Variants in PSD3 observed in about 807,000 individuals in gnomAD.
PSD3 encodes the protein pleckstrin and Sec7 domain containing 3.
In PSD3, 49 loss-of-function variants were observed where a neutral mutation model predicts 105.5. The ratio of observed to expected loss-of-function variants is 0.46; its 90% CI spans 0.37 to 0.59. PSD3 has a LOEUF of 0.59. PSD3 is among the 20% of genes least tolerant of loss of function. PSD3 has a pLI of 0.00. For missense variants in PSD3, 1,561 were observed against 1,263.8 expected, an observed-to-expected ratio of 1.24 and a Z score of -3.57; for synonymous variants, 557 against 457.8, an observed-to-expected ratio of 1.22 and a Z score of -2.77.
At chr8:19,073,322 G>C (rs368790337) in intron 1 of PSD3, among the ~76,000 whole-genome samples, 1 of 152,014 alleles carries the variant, frequency 6.6e-6, no homozygotes, top group Non-Finnish European at 1.5e-5. Flanking sequence ...AGGCCAAGGC[G>C]GGCGGATCAC....
At chr8:18,917,281 T>C (rs1820686382) in intron 2 of PSD3, among the ~76,000 whole-genome samples, 1 of 152,212 alleles carries the variant, frequency 6.6e-6, no homozygotes, top group African/African-American at 2.4e-5. Context: ...TTTACCCCAC[T>C]ATCCATTTCT....
chr8:18,686,843 G>C (rs2130974727), intron 9 of PSD3, among the ~76,000 whole-genome samples: 1 of 152,218 alleles, frequency 6.6e-6, no homozygotes, highest in East Asian at 1.9e-4. Flanking sequence ...ATCCTGTCTG[G>C]AACTCTGTTG....
intron 8 of PSD3, among the ~76,000 whole-genome samples, chr8:18,768,023 C>A (rs1451620049): frequency 3.4e-5 from 5 of 146,842 alleles, no homozygotes; most frequent in African/African-American, 1.0e-4. Context: ...ATAATCCCAG[C>A]ACTTTGGGAG....
Position 18,527,948 on chromosome 8 carries a change from T to C in PSD3, c.*7795A>G, listed in dbSNP as rs1035309106. On this transcript the variant is annotated 3_prime_UTR_variant, in exon 16 of 16. Coordinates refer to ENST00000327040, the MANE Select transcript of PSD3 (RefSeq NM_015310.4). Reference sequence around the variant, plus strand: ...CAGGACTGCAATAGAACTGAAATGATTGGTGGAGAAAACTTTGAAGGTAAA... The same window carrying C: ...CAGGACTGCAATAGAACTGAAATGACTGGTGGAGAAAACTTTGAAGGTAAA... 18 of 152,214 alleles carry C rather than the reference T, an allele frequency of 1.2e-4. No individual in the cohort carries two copies. Among genetic ancestry groups the C allele is most frequent in the African/African-American group, 4.1e-4 (17 of 41,458 alleles). 9.4% of individuals were successfully genotyped at this position (152,214 alleles called of 1,614,324 possible). A position where few individuals can be genotyped will look rare whatever the true frequency, so the allele number is the denominator to read the frequency against.
intron 2 of PSD3, among the ~76,000 whole-genome samples, chr8:18,873,867 G>A (rs926590255): frequency 3.3e-5 from 5 of 152,138 alleles, no homozygotes; most frequent in Non-Finnish European, 5.9e-5. Context: ...CCCAATACAC[G>A]AAGTAAACAG....
chr8:18,929,588 C>A (rs923333705), intron 2 of PSD3, among the ~76,000 whole-genome samples: 10 of 152,130 alleles, frequency 6.6e-5, no homozygotes, highest in Non-Finnish European at 1.5e-4. Flanking sequence ...TTCCAGCCCT[C>A]TTCTATATGA....
intron 9 of PSD3, among the ~76,000 whole-genome samples, chr8:18,657,439 C>G (rs1808984707): frequency 6.6e-6 from 1 of 152,138 alleles, no homozygotes; most frequent in Admixed American, 6.5e-5. Flanking sequence ...ATTACAGTAG[C>G]TAATAAAAAC....
intron 2 of PSD3, among the ~76,000 whole-genome samples, chr8:18,903,262 T>C (rs1298877153): frequency 6.6e-6 from 1 of 152,128 alleles, no homozygotes; most frequent in Non-Finnish European, 1.5e-5. Flanking sequence ...ATTTGGGAAC[T>C]TGACCCGAAC....
At chr8:18,935,695 CAA>C (rs10628497) in intron 2 of PSD3, among the ~76,000 whole-genome samples, 1 of 136,982 alleles carries the variant, frequency 7.3e-6, no homozygotes, top group Non-Finnish European at 1.6e-5. Context: ...GACTTTGTCT[CAA>C]AAAAAAAAAA....
chr8:18,997,831 C>T (rs1826161249), intron 1 of PSD3, among the ~76,000 whole-genome samples: 1 of 151,852 alleles, frequency 6.6e-6, no homozygotes, highest in Non-Finnish European at 1.5e-5. Context: ...CATCCTTGAC[C>T]ACCCATTTGT....
At chr8:18,876,011 C>A (rs1817713629) in intron 2 of PSD3, among the ~76,000 whole-genome samples, 1 of 152,168 alleles carries the variant, frequency 6.6e-6, no homozygotes, top group Admixed American at 6.5e-5. Context: ...CATTTGGGGT[C>A]TGACTTCTTT....
chr8:18,815,362 G>A (rs1236642620), intron 4 of PSD3, among the ~76,000 whole-genome samples: 1 of 152,166 alleles, frequency 6.6e-6, no homozygotes, highest in East Asian at 1.9e-4. Flanking sequence ...AGGCTGGAGT[G>A]TAGTGGCATG....
Position 18,594,471 on chromosome 8 carries a change from AAAAG to A in PSD3, c.2481+5889_2481+5892del, listed in dbSNP as rs201368682. 0.016 allele frequency among the ~76,000 whole-genome samples: 2,139 copies of A among 132,924 alleles called. 142 individuals carry two copies. In the East Asian group the frequency reaches 0.21, roughly 13 times the overall value. 87.2% of individuals were successfully genotyped at this position (132,924 alleles called of 152,430 possible). ...TTTATATATTATATTATATATATAC[AAAAG>A]AAAGAAAGATAATATTTTCTTAGGT... On this transcript the variant is annotated intron_variant, in intron 12 of 15. Coordinates refer to ENST00000327040, the MANE Select transcript of PSD3 (RefSeq NM_015310.4).
chr8:18,964,131 G>A (rs1337735240), intron 1 of PSD3, among the ~76,000 whole-genome samples: 1 of 151,926 alleles, frequency 6.6e-6, no homozygotes, highest in Non-Finnish European at 1.5e-5. Context: ...TTTTTTGTTT[G>A]TTTGTTTCTG....
At chr8:18,895,366 C>T (rs764328451) in intron 2 of PSD3, among the ~76,000 whole-genome samples, 1 of 152,220 alleles carries the variant, frequency 6.6e-6, no homozygotes, top group Non-Finnish European at 1.5e-5. Flanking sequence ...TGTCACTTTA[C>T]TGCCAAACTT....
At chr8:18,796,264 G>A (rs1188360899) in intron 8 of PSD3, among the ~76,000 whole-genome samples, 1 of 152,088 alleles carries the variant, frequency 6.6e-6, no homozygotes, top group Non-Finnish European at 1.5e-5. Context: ...CCTCCCCAGT[G>A]TTTTCCCATC....
At chr8:19,028,150 A>C (rs1827625890) in intron 1 of PSD3, among the ~76,000 whole-genome samples, 1 of 152,026 alleles carries the variant, frequency 6.6e-6, no homozygotes, top group South Asian at 2.1e-4. Context: ...TGAGCATTTC[A>C]TTGTAGTTTC....
chr8:18,838,048 AT>A (rs1255871640), intron 4 of PSD3, among the ~76,000 whole-genome samples: 1 of 152,252 alleles, frequency 6.6e-6, no homozygotes, highest in Non-Finnish European at 1.5e-5. Flanking sequence ...ACTAAAGAAC[AT>A]AATTATGAAA....
intron 14 of PSD3, among the ~76,000 whole-genome samples, chr8:18,560,207 C>A (rs899508295): frequency 6.7e-6 from 1 of 149,464 alleles, no homozygotes; most frequent in African/African-American, 2.4e-5. Context: ...CACACACACA[C>A]ACAAACAAAA....
Sources: allele counts gnomAD v4.1 joint callset (sites outside exome capture counted in the v4.1 genomes callset), GRCh38; gene constraint gnomAD v4.1.1; transcripts MANE v1.5; gene names NCBI Gene and HGNC (gene_info 2026-07-23, HGNC 2026-07-21).